The following KLF12 variants were observed in gnomAD, a reference collection of about 807,000 sequenced individuals.
The protein encoded by KLF12 is KLF transcription factor 12.
A neutral mutation model predicts 37.8 loss-of-function variants in KLF12; 9 were observed. That is an observed-to-expected ratio of 0.24 (90% CI 0.14 to 0.42). The LOEUF (loss-of-function observed/expected upper bound fraction) is 0.42. Among genes scored for constraint, KLF12 ranks in the 10% least tolerant of loss-of-function variants. KLF12 has a pLI of 1.00. For missense variants in KLF12, 411 were observed against 516.0 expected (o/e 0.80, Z 1.97); for synonymous variants, 208 against 202.1 (o/e 1.03, Z -0.25).
At chr13:74,025,049 G>T (rs949157903) in intron 1 of KLF12, among the ~76,000 whole-genome samples, 2 of 152,106 alleles carry the variant, frequency 1.3e-5, no homozygotes, top group African/African-American at 4.8e-5. Context: ...ATCTCTCACA[G>T]ACTCATTCAG....
the KLF12 span, among the ~76,000 whole-genome samples, chr13:74,177,882 A>G: frequency 2.0e-5 from 3 of 152,248 alleles, no homozygotes; most frequent in African/African-American, 7.2e-5. Flanking sequence ...AGGATTTTAC[A>G]TCACCAAATG....
chr13:74,301,456 C>T, the KLF12 span, among the ~76,000 whole-genome samples: 1 of 152,136 alleles, frequency 6.6e-6, no homozygotes, highest in African/African-American at 2.4e-5. Flanking sequence ...ATAAGAGCCA[C>T]ATGGAGATTA....
intron 5 of KLF12, among the ~76,000 whole-genome samples, chr13:73,808,820 T>C (rs965566420): frequency 5.3e-5 from 8 of 152,180 alleles, no homozygotes; most frequent in African/African-American, 1.7e-4. Flanking sequence ...AAGAAGAGCT[T>C]CAGTTAGAGA....
the KLF12 span, among the ~76,000 whole-genome samples, chr13:74,139,888 G>T: frequency 0.016 from 2,447 of 151,454 alleles, 45 homozygotes; most frequent in Middle Eastern, 0.031. Flanking sequence ...CTTTACAAAT[G>T]AAAATAGTAC....
intron 2 of KLF12, among the ~76,000 whole-genome samples, chr13:73,979,354 A>AACAC (rs71115629): frequency 0.14 from 19,778 of 139,504 alleles, 1,466 homozygotes; most frequent in African/African-American, 0.21. Flanking sequence ...TCTGCTTTTA[A>AACAC]ACACACACAC....
chr13:73,925,867 G>A (rs1004820580), intron 3 of KLF12, among the ~76,000 whole-genome samples: 11 of 152,082 alleles, frequency 7.2e-5, no homozygotes, highest in African/African-American at 2.2e-4. Context: ...AGACTTCAGC[G>A]GAGGAAGGAA....
the KLF12 span, among the ~76,000 whole-genome samples, chr13:74,299,901 C>T: frequency 7.2e-5 from 11 of 152,024 alleles, no homozygotes; most frequent in African/African-American, 2.4e-4. Context: ...GAAAGAAAGA[C>T]AAAATAAGAA....
chr13:73,999,300 C>T (rs1013647023), intron 1 of KLF12, among the ~76,000 whole-genome samples: 2 of 152,236 alleles, frequency 1.3e-5, no homozygotes, highest in South Asian at 2.1e-4. Flanking sequence ...CCAATGCTCA[C>T]TAAATTTAGT....
At chr13:74,126,238 G>A (rs1242394568) in intron 1 of KLF12, among the ~76,000 whole-genome samples, 1 of 152,062 alleles carries the variant, frequency 6.6e-6, no homozygotes, top group Non-Finnish European at 1.5e-5. Context: ...AAATATCATT[G>A]AATATTTATT....
chr13:74,045,014 G>A (rs1893503760), intron 1 of KLF12, among the ~76,000 whole-genome samples: 1 of 152,154 alleles, frequency 6.6e-6, no homozygotes, highest in South Asian at 2.1e-4. Context: ...AGATAAGGGG[G>A]ATGAGACAAA....
chr13:74,287,337 A>T, the KLF12 span, among the ~76,000 whole-genome samples: 1 of 139,394 alleles, frequency 7.2e-6, no homozygotes, highest in African/African-American at 2.6e-5. Flanking sequence ...ACAAACAGGG[A>T]TCTATCAAAG....
chr13:74,177,468 C>T, the KLF12 span, among the ~76,000 whole-genome samples: 9 of 152,124 alleles, frequency 5.9e-5, no homozygotes, highest in African/African-American at 2.2e-4. Flanking sequence ...GCCTGGAGGA[C>T]GACGGTGATG....
At chr13:73,815,043 T>TAA (rs760146114) in intron 4 of KLF12, among the ~76,000 whole-genome samples, 4 of 132,590 alleles carry the variant, frequency 3.0e-5, no homozygotes, top group Non-Finnish European at 6.6e-5. Flanking sequence ...GGCCTTGTCT[T>TAA]AAAAAAAAAA....
At chr13:73,980,022 C>T (rs1214417583) in intron 2 of KLF12, among the ~76,000 whole-genome samples, 2 of 152,190 alleles carry the variant, frequency 1.3e-5, no homozygotes, top group African/African-American at 4.8e-5. Context: ...ATCCACCCTG[C>T]TGAGACCTTA....
At chr13:73,936,580 A>C (rs1238968169) in intron 3 of KLF12, among the ~76,000 whole-genome samples, 2 of 151,846 alleles carry the variant, frequency 1.3e-5, no homozygotes, top group African/African-American at 4.8e-5. Context: ...TCCCTCCTCT[A>C]CAGTATTCTT....
intron 1 of KLF12, among the ~76,000 whole-genome samples, chr13:74,093,746 G>A (rs533981826): frequency 6.6e-6 from 1 of 151,156 alleles, no homozygotes; most frequent in Admixed American, 6.6e-5. Context: ...TATAGTGAGA[G>A]AGCCTGTATT....
intron 4 of KLF12, among the ~76,000 whole-genome samples, chr13:73,839,985 C>A (rs1884654961): frequency 6.6e-6 from 1 of 152,152 alleles, no homozygotes; most frequent in African/African-American, 2.4e-5. Context: ...CAAAACTACT[C>A]CAAAGAACTA....
the KLF12 span, among the ~76,000 whole-genome samples, chr13:74,170,185 A>G: frequency 3.3e-5 from 5 of 151,980 alleles, no homozygotes; most frequent in Non-Finnish European, 5.9e-5. Flanking sequence ...AAGAAGAAGA[A>G]AGTACATTAT....
At chr13:73,761,740 T>A (rs80110833) in intron 6 of KLF12, among the ~76,000 whole-genome samples, 2,953 of 152,254 alleles carry the variant, frequency 0.019, 93 homozygotes, top group African/African-American at 0.066. Context: ...CTTTTGTCAG[T>A]TTAATTTACA....
Sources: allele counts gnomAD v4.1 joint callset (sites outside exome capture counted in the v4.1 genomes callset), GRCh38; gene constraint gnomAD v4.1.1; transcripts MANE v1.5; gene names NCBI Gene and HGNC (gene_info 2026-07-23, HGNC 2026-07-21).